The following TIAM1 variants were observed in gnomAD, a reference collection of about 807,000 sequenced individuals.
The protein encoded by TIAM1 is TIAM Rac1 associated GEF 1, also known as rho guanine nucleotide exchange factor TIAM1.
A neutral mutation model predicts 163.5 loss-of-function variants in TIAM1; 65 were observed. That is an observed-to-expected ratio of 0.40 (90% CI 0.33 to 0.49). The LOEUF (loss-of-function observed/expected upper bound fraction) is 0.49. Ranked by LOEUF, TIAM1 falls within the 20% of genes least tolerant of loss-of-function variation. TIAM1 has a pLI of 0.77. For missense variants in TIAM1, 1,789 were observed against 2,044.7 expected, an observed-to-expected ratio of 0.87 and a Z score of 2.41; for synonymous variants, 833 against 810.1, an observed-to-expected ratio of 1.03 and a Z score of -0.48.
intron 2 of TIAM1, among the ~76,000 whole-genome samples, chr21:31,376,790 G>A (rs989574357): frequency 2.3e-4 from 35 of 152,044 alleles, no homozygotes; most frequent in African/African-American, 8.4e-4. Flanking sequence ...AAGTGATGGA[G>A]CTCCAATCTA....
At position 31,120,350 on chromosome 21, in the gene TIAM1, A is replaced by G. The variant is rs1215019776; in HGVS notation, c.*18T>C. 1 of 1,587,346 alleles carries G rather than the reference A, an allele frequency of 6.3e-7. No individual in the cohort carries two copies. Among genetic ancestry groups the G allele is most frequent in the East Asian group, 2.2e-5 (1 of 44,632 alleles). ...CAGGAAGTATCTACACACATTCTCT[A>G]CGGGGCAGGTGACGCAGTCAGATCT... On this transcript the variant is annotated 3_prime_UTR_variant, in exon 28 of 28. Coordinates refer to ENST00000541036, the MANE Select transcript of TIAM1 (RefSeq NM_001353694.2). This position sits in a 1 kb window ranked among gnomAD's most constrained non-coding sequence, Gnocchi z 4.2.
rs142510976 is a variant in TIAM1, at chr21:31,297,636, G to A, written c.-188-20728C>T. On this transcript the variant is annotated intron_variant, in intron 2 of 27. Coordinates refer to ENST00000541036, the MANE Select transcript of TIAM1 (RefSeq NM_001353694.2). ...CGACCTCAGGTGATCCACCCGCCTT[G>A]GCCTCCCAAAGTGCTGGGATTACAG... 9.7e-3 allele frequency among the ~76,000 whole-genome samples: 1,470 copies of A among 152,228 alleles called. 21 individuals are homozygous for A. Among genetic ancestry groups the A allele is most frequent in the African/African-American group, 0.033 (1,362 of 41,544 alleles).
At chr21:31,361,350 A>C (rs1398734580) in intron 2 of TIAM1, among the ~76,000 whole-genome samples, 2 of 152,170 alleles carry the variant, frequency 1.3e-5, no homozygotes, top group African/African-American at 2.4e-5. Context: ...GTGAGACAAG[A>C]AGCAAAAATA....
At position 31,119,918 on chromosome 21, in the gene TIAM1, A is replaced by T. The variant is rs538638702; in HGVS notation, c.*450T>A. 2 of 153,772 alleles carry T rather than the reference A, an allele frequency of 1.3e-5. No individual in the cohort carries two copies. Among genetic ancestry groups the T allele is most frequent in the East Asian group, 3.8e-4 (2 of 5,196 alleles). The allele number at this position is 153,772 out of a possible 1,614,324, so 9.5% of individuals were successfully genotyped here. ...TGGAAGAGGGAAGGGTACAGTCAGA[A>T]CACGGCAAGCTGTACACATTTCATT... On this transcript the variant is annotated 3_prime_UTR_variant, in exon 28 of 28. Transcript: ENST00000541036.
chr21:31,123,908 A>C (rs1329518485), intron 27 of TIAM1: 1 of 152,190 alleles, frequency 6.6e-6, no homozygotes, highest in African/African-American at 2.4e-5. Flanking sequence ...TTATGCTGGG[A>C]CCATTTAAAC....
intron 2 of TIAM1, among the ~76,000 whole-genome samples, chr21:31,376,922 G>A (rs758129102): frequency 1.2e-4 from 18 of 151,578 alleles, no homozygotes; most frequent in East Asian, 1.9e-4. Context: ...GCAGTGGCAC[G>A]ATCTCAGCTC....
chr21:31,425,056 CAAA>C (rs370622503), intron 2 of TIAM1, among the ~76,000 whole-genome samples: 2 of 97,924 alleles, frequency 2.0e-5, no homozygotes, highest in Admixed American at 1.0e-4. Flanking sequence ...CCGTCTCAAA[CAAA>C]AAAAAAAAAA....
At chr21:31,346,903 CT>C (rs1012495746), upstream of TIAM1, among the ~76,000 whole-genome samples, 3 of 151,578 alleles carry the variant, frequency 2.0e-5, no homozygotes, top group Non-Finnish European at 2.9e-5. Context: ...GGGGCATATA[CT>C]TTTTTTTCAC....
chr21:31,487,192 G>A (rs2046300351), intron 1 of TIAM1, among the ~76,000 whole-genome samples: 1 of 152,142 alleles, frequency 6.6e-6, no homozygotes, highest in South Asian at 2.1e-4. Flanking sequence ...ATTTGATGGT[G>A]TCTGAAAACA....
chr21:31,339,840 A>ATGC (rs770410010), intron 1 of TIAM1, among the ~76,000 whole-genome samples: 9 of 152,202 alleles, frequency 5.9e-5, no homozygotes, highest in Non-Finnish European at 1.3e-4. Flanking sequence ...AATGAAAGCC[A>ATGC]TGCTAACACT....
chr21:31,161,312 A>T (rs1448802299), intron 16 of TIAM1, among the ~76,000 whole-genome samples: 1 of 152,178 alleles, frequency 6.6e-6, no homozygotes, highest in Non-Finnish European at 1.5e-5. Context: ...CTCCAGAAAC[A>T]AGAGTTTTCA....
chr21:31,437,921 T>C (rs2044269876), intron 2 of TIAM1, among the ~76,000 whole-genome samples: 1 of 152,184 alleles, frequency 6.6e-6, no homozygotes, highest in African/African-American at 2.4e-5. Context: ...GTATGGATAT[T>C]CCATAACTTA....
chr21:31,413,710 G>C (rs368802054), intron 2 of TIAM1, among the ~76,000 whole-genome samples: 15 of 152,026 alleles, frequency 9.9e-5, no homozygotes, highest in African/African-American at 3.4e-4. Flanking sequence ...TCTAGCATTC[G>C]CCAGGCCCCT....
At chr21:31,420,182 G>A (rs1479010528) in intron 2 of TIAM1, among the ~76,000 whole-genome samples, 2 of 152,204 alleles carry the variant, frequency 1.3e-5, no homozygotes, top group African/African-American at 4.8e-5. Context: ...TAGCAAATGG[G>A]CAAGGTTGGA....
intron 16 of TIAM1, among the ~76,000 whole-genome samples, chr21:31,154,683 G>A (rs1356399377): frequency 6.6e-6 from 1 of 152,174 alleles, no homozygotes; most frequent in African/African-American, 2.4e-5. Flanking sequence ...TGCCCACACG[G>A]TAAGGACAAC....
chr21:31,213,299 G>T, intron 10 of TIAM1, 99 bp downstream of exon 10: 2 of 998,506 alleles, frequency 2.0e-6, no homozygotes, highest in South Asian at 1.8e-5. Context: ...TTTTAATATT[G>T]AGTTTACTTA....
intron 14 of TIAM1, 116 bp from the exon 15 acceptor site, chr21:31,182,761 T>A: frequency 9.5e-7 from 1 of 1,056,042 alleles, no homozygotes; most frequent in Non-Finnish European, 1.3e-6. Context: ...CAGGTGCTGC[T>A]GCAGACAGGC....
intron 8 of TIAM1, among the ~76,000 whole-genome samples, chr21:31,221,812 T>A (rs957130433): frequency 6.6e-6 from 1 of 152,188 alleles, no homozygotes; most frequent in African/African-American, 2.4e-5. Flanking sequence ...CTATCCTAGT[T>A]TTTTTGTTTA....
chr21:31,258,245 G>A (rs1218100172), intron 4 of TIAM1, among the ~76,000 whole-genome samples: 3 of 152,150 alleles, frequency 2.0e-5, no homozygotes, highest in Non-Finnish European at 2.9e-5. Flanking sequence ...CTGGCATGGG[G>A]AAGGCACTTC....
Sources: allele counts gnomAD v4.1 joint callset (sites outside exome capture counted in the v4.1 genomes callset), GRCh38; gene constraint gnomAD v4.1.1; non-coding constraint Gnocchi (gnomAD v3.1); transcripts MANE v1.5; gene names NCBI Gene and HGNC (gene_info 2026-07-23, HGNC 2026-07-21).